DIPK2B: variants seen among roughly 807,000 people sequenced by gnomAD.
DIPK2B encodes divergent protein kinase domain 2B.
Under a neutral mutation model 22.2 loss-of-function variants are expected in DIPK2B, and 15 were observed. The ratio of observed to expected loss-of-function variants is 0.68; its 90% CI spans 0.45 to 1.04. The LOEUF is 1.04. DIPK2B is among the 50% of genes least tolerant of loss of function. The pLI is 0.00. For synonymous variants in DIPK2B, 163 were observed against 153.2 expected (o/e 1.06, Z -0.47); for missense variants, 345 against 348.3 (o/e 0.99, Z 0.08).
intron 2 of DIPK2B, among the ~76,000 whole-genome samples, chrX:45,176,557 A>G (rs1326662136): frequency 1.2e-4 from 14 of 112,148 alleles, no homozygotes; most frequent in Admixed American, 1.1e-3. Flanking sequence ...AGTCTCCACC[A>G]CAGTTAGCAC....
chrX:45,196,187 T>C (rs1324783866), intron 1 of DIPK2B, among the ~76,000 whole-genome samples: 2 of 111,298 alleles, frequency 1.8e-5, no homozygotes, highest in Non-Finnish European at 3.8e-5. Flanking sequence ...GATGTATAGA[T>C]AGATAAGGGA....
chrX:45,191,702 C>T, intron 2 of DIPK2B, 49 bp downstream of exon 2: 2 of 1,155,601 alleles, frequency 1.7e-6, no homozygotes, highest in Non-Finnish European at 2.3e-6. Flanking sequence ...CTCTCTCTCT[C>T]TTTCTCATCA....
rs142771034 is a variant in DIPK2B, at chrX:45,159,444, C to T, written c.499-1556G>A. Among the ~76,000 whole-genome samples the T allele has an allele frequency of 3.2e-4, 36 of 111,577 alleles. No homozygotes were observed. In the East Asian group the frequency reaches 6.2e-3, roughly 19 times the overall value. On this transcript the variant is annotated intron_variant, in intron 2 of 4. Coordinates refer to ENST00000398000, the MANE Select transcript of DIPK2B (RefSeq NM_176819.4). The stretch of plus-strand genomic sequence containing the variant: ...ACCTAGCATTAGAACCAAGACAGTA[C>T]ACCGGGTGAGAGGTAGGTAAGGATA...
chrX:45,197,042 G>A (rs1182374499), intron 1 of DIPK2B, among the ~76,000 whole-genome samples: 1 of 111,930 alleles, frequency 8.9e-6, no homozygotes, highest in African/African-American at 3.2e-5. Context: ...AGCATATCCA[G>A]CCAGCCTGGG....
chrX:45,183,716 G>A (rs1205758334), intron 2 of DIPK2B, among the ~76,000 whole-genome samples: 1 of 111,802 alleles, frequency 8.9e-6, no homozygotes. Context: ...GCATTCAACA[G>A]TGATTCTCAT....
At position 45,157,846 on chromosome X, in the gene DIPK2B, G is replaced by C; in HGVS notation, c.541C>G (p.Leu181Val). 4 of 1,167,607 alleles carry C rather than the reference G, an allele frequency of 3.4e-6. No individual in the cohort carries two copies. Among genetic ancestry groups the C allele is most frequent in the Non-Finnish European group, 4.6e-6 (4 of 873,535 alleles). The change falls in exon 3 of 5, where the codon CTG becomes GTG. Residue 181 changes from leucine (L) to valine (V), a missense_variant. Physicochemically the swap from Leu to Val is conservative, Grantham distance 32. Transcript: ENST00000398000. ...GCATAGCGCCTGACCACGCGATCCA[G>C]GAGTCGCTGCGAAGGGCAGCGCAGG... Reference protein sequence around the residue: ...PLLRCPSQRLLDRVVRRYAEV... With the variant: ...PLLRCPSQRLVDRVVRRYAEV...
chrX:45,167,443 G>A (rs1472079226), intron 2 of DIPK2B, among the ~76,000 whole-genome samples: 3 of 89,667 alleles, frequency 3.3e-5, no homozygotes, highest in African/African-American at 1.3e-4. Flanking sequence ...GCTGAGCTGT[G>A]ATTATGCCAT....
chrX:45,169,507 C>T (rs1349302859), intron 2 of DIPK2B, among the ~76,000 whole-genome samples: 4 of 111,385 alleles, frequency 3.6e-5, no homozygotes, highest in Admixed American at 1.9e-4. Context: ...ACCTTAGTCA[C>T]CTCTCCTCCA....
chrX:45,148,534 A>G lies in DIPK2B; in HGVS notation c.*3118T>C, dbSNP rs1400560954. ...GTCACATGGTGAGAGCGGGAGTGAG[A>G]GGGAGAGTTGGGGGAGGGACGTGCC... On this transcript the variant is annotated 3_prime_UTR_variant, in exon 5 of 5. Transcript: ENST00000398000. The G allele has an allele frequency of 1.8e-5, 2 of 109,489 alleles. No individual in the cohort carries two copies. The highest frequency in any genetic ancestry group is 3.8e-5 in the Non-Finnish European group (2 of 52,600). The allele number at this position is 109,489 out of a possible 1,213,427, so 9.0% of individuals were successfully genotyped here. A position where few individuals can be genotyped will look rare whatever the true frequency, so the allele number is the denominator to read the frequency against.
chrX:45,192,891 G>T (rs1016681410), intron 1 of DIPK2B, among the ~76,000 whole-genome samples: 3 of 112,292 alleles, frequency 2.7e-5, no homozygotes, highest in African/African-American at 9.7e-5. Context: ...CGATTCTCCT[G>T]CCTCAGCCTC....
intron 2 of DIPK2B, chrX:45,162,606 CA>C (rs2047027733): frequency 1.3e-6 from 1 of 752,914 alleles, no homozygotes; most frequent in African/African-American, 2.3e-5. Context: ...GGTTTCATTT[CA>C]AACCAGATAC....
intron 2 of DIPK2B, among the ~76,000 whole-genome samples, chrX:45,159,237 G>A (rs1033843425): frequency 3.6e-5 from 4 of 111,653 alleles, no homozygotes; most frequent in Non-Finnish European, 7.5e-5. Context: ...TAATTGACCA[G>A]AGCAACAACA....
chrX:45,161,340 G>A (rs1032892940), intron 2 of DIPK2B, among the ~76,000 whole-genome samples: 16 of 112,161 alleles, frequency 1.4e-4, no homozygotes, highest in Non-Finnish European at 2.8e-4. Context: ...ACAGGAGTTC[G>A]AGACCAGCCT....
intron 2 of DIPK2B, among the ~76,000 whole-genome samples, chrX:45,166,742 G>A (rs2047050998): frequency 8.9e-6 from 1 of 112,118 alleles, no homozygotes; most frequent in Admixed American, 9.5e-5. Context: ...GTGAAAAAAA[G>A]AACATGAACT....
intron 2 of DIPK2B, among the ~76,000 whole-genome samples, chrX:45,182,074 C>G (rs866300288): frequency 2.0e-4 from 17 of 86,775 alleles, no homozygotes; most frequent in African/African-American, 7.1e-4. Flanking sequence ...CACCCTGTCT[C>G]AAAAAAAAAA....
intron 2 of DIPK2B, among the ~76,000 whole-genome samples, chrX:45,169,823 G>A (rs768179038): frequency 7.1e-5 from 8 of 112,102 alleles, no homozygotes; most frequent in Non-Finnish European, 1.3e-4. Context: ...ACCCTAGTCA[G>A]GAAATCATTT....
chrX:45,156,642 C>A (rs2046997386), intron 3 of DIPK2B, among the ~76,000 whole-genome samples: 1 of 111,128 alleles, frequency 9.0e-6, no homozygotes. Flanking sequence ...GTGACTTGGG[C>A]CAAGTCACTT....
rs745932613 is a variant in DIPK2B at position 45,150,161 on chromosome X, C to A, written c.*1491G>T. ...CCTCCCAAAGTGCTGGGATTACAGG[C>A]GTGAGCCACCGGGCCTGGCCTGTTC... is the stretch of plus-strand genomic sequence containing the variant. On this transcript the variant is annotated 3_prime_UTR_variant, in exon 5 of 5. Coordinates refer to ENST00000398000, the MANE Select transcript of DIPK2B (RefSeq NM_176819.4). The A allele has an allele frequency of 9.0e-6, 1 of 111,700 alleles. No homozygotes were observed. Among genetic ancestry groups the A allele is most frequent in the East Asian group, 2.8e-4 (1 of 3,511 alleles). 9.2% of individuals were successfully genotyped at this position (111,700 alleles called of 1,213,427 possible).
rs1264767476 is a variant in DIPK2B at position 45,200,871 on chromosome X, G to A, written c.-45C>T. The A allele has an allele frequency of 2.8e-6, 3 of 1,064,778 alleles. No individual in the cohort carries two copies. The highest frequency in any genetic ancestry group is 3.8e-6 in the Non-Finnish European group (3 of 793,336). The allele number at this position is 1,064,778 out of a possible 1,213,427, so 87.7% of individuals were successfully genotyped here. On this transcript the variant is annotated 5_prime_UTR_variant, in exon 1 of 5. Transcript: ENST00000398000. Reference sequence around the variant, plus strand: ...CTGCAGCCTCTGGCTGTCCACTCGAGGCTGTACAGAGGCAGGGCTTGGCCA... The same window carrying A: ...CTGCAGCCTCTGGCTGTCCACTCGAAGCTGTACAGAGGCAGGGCTTGGCCA...
Sources: gnomAD v4.1 joint callset for allele counts (sites outside exome capture counted in the v4.1 genomes callset) on GRCh38, gnomAD v4.1.1 for gene constraint, MANE v1.5 for transcripts, NCBI Gene and HGNC (gene_info 2026-07-23, HGNC 2026-07-21) for gene names.